Variants in ODAM observed in about 807,000 individuals in gnomAD.
ODAM encodes odontogenic, ameloblast associated.
A neutral mutation model predicts 48.5 loss-of-function variants in ODAM; 55 were observed. The ratio of observed to expected loss-of-function variants is 1.13; its 90% confidence interval spans 0.91 to 1.42. ODAM has a LOEUF of 1.42. ODAM is among the 40% of genes most tolerant of loss of function. The pLI, the probability that ODAM is intolerant of heterozygous loss-of-function variation, is 0.00. For missense variants in ODAM, 353 were observed against 323.6 expected, an observed-to-expected ratio of 1.09 and a Z score of -0.70; for synonymous variants, 127 against 107.8, an observed-to-expected ratio of 1.18 and a Z score of -1.10.
intron 11 of ODAM, among the ~76,000 whole-genome samples, chr4:70,203,972 A>G (rs1462969746): frequency 6.6e-6 from 1 of 151,998 alleles, no homozygotes; most frequent in African/African-American, 2.4e-5. Context: ...TTACTAATGT[A>G]CTATATTGTA....
rs1414445734 is a variant in ODAM at position 70,204,319 on chromosome 4, A to G, written c.*174A>G. On this transcript the variant is annotated 3_prime_UTR_variant, in exon 12 of 12. Coordinates refer to ENST00000683306, the MANE Select transcript of ODAM (RefSeq NM_017855.4). Reference sequence around the variant, plus strand: ...ATACATGTTATTAAACTCTTTAAATATGTCATAGAAAATAATACAATCATG... The same window carrying G: ...ATACATGTTATTAAACTCTTTAAATGTGTCATAGAAAATAATACAATCATG... 2.0e-5 allele frequency: 3 copies of G among 152,046 alleles called. No individual in the cohort carries two copies. Among genetic ancestry groups the G allele is most frequent in the African/African-American group, 7.2e-5 (3 of 41,426 alleles). 9.4% of individuals were successfully genotyped at this position (152,046 alleles called of 1,614,324 possible).
Position 70,200,557 on chromosome 4 carries a change from C to T in ODAM, c.484C>T (p.Pro162Ser). 6.2e-7 allele frequency: 1 copy of T among 1,611,434 alleles called. No individual in the cohort carries two copies. The highest frequency in any genetic ancestry group is 8.5e-7 in the Non-Finnish European group (1 of 1,178,330). ...CTGGGAACAACCTCAGCAAACAGTT[C>T]CAAGGTCACCTCAACAAACAAGACA... ...LPWEQPQQTV[P>S]RSPQQTRQQQ... The change falls in exon 7 of 12, where the codon CCA becomes TCA. Residue 162 changes from proline (P) to serine (S), a missense_variant. Coordinates refer to ENST00000683306, the MANE Select transcript of ODAM (RefSeq NM_017855.4).
At chr4:70,203,927 G>C (rs1199116204) in intron 11 of ODAM, among the ~76,000 whole-genome samples, 2 of 151,838 alleles carry the variant, frequency 1.3e-5, no homozygotes, top group Admixed American at 6.6e-5. Flanking sequence ...ACACAACCAA[G>C]TGAACAGTAA....
chr4:70,202,636 C>A, intron 9 of ODAM, 120 bp from the exon 10 acceptor site: 1 of 690,132 alleles, frequency 1.4e-6, no homozygotes, highest in Non-Finnish European at 2.4e-6. Context: ...CTAATAATAG[C>A]AACTCTTTTT....
chr4:70,198,211 C>A, intron 5 of ODAM, 54 bp downstream of exon 5: 1 of 1,418,106 alleles, frequency 7.1e-7, no homozygotes, highest in Non-Finnish European at 9.8e-7. Context: ...CATGTTTAAT[C>A]TGACAATGAA....
intron 7 of ODAM, 106 bp from the exon 8 acceptor site, chr4:70,201,347 CT>C: frequency 1.7e-6 from 1 of 573,648 alleles, no homozygotes; most frequent in Non-Finnish European, 3.1e-6. Flanking sequence ...TTTAAAAATG[CT>C]TTTAACTTAT....
At position 70,200,520 on chromosome 4, in the gene ODAM, C is replaced by A; in HGVS notation, c.447C>A (p.Tyr149Ter). The A allele has an allele frequency of 6.2e-7, 1 of 1,608,262 alleles. No individual in the cohort carries two copies. The highest frequency in any genetic ancestry group is 8.5e-7 in the Non-Finnish European group (1 of 1,175,862). The part of the protein sequence containing the change: ...QGQMFQYYPV[Y>*]MVLPWEQPQQ... ...AGATGTTTCAATACTATCCAGTTTACATGGTCCTACCCTGGGAACAACCTC... is the reference window on the plus strand; with the variant it reads ...AGATGTTTCAATACTATCCAGTTTAAATGGTCCTACCCTGGGAACAACCTC... Residue 149 changes from tyrosine to a stop codon, truncating the protein, a stop_gained, in exon 7 of 12, where the codon TAC becomes TAA. Coordinates refer to ENST00000683306, the MANE Select transcript of ODAM (RefSeq NM_017855.4). LOFTEE classifies it high-confidence loss of function.
chr4:70,199,142 A>AT (rs1184922954), intron 6 of ODAM, among the ~76,000 whole-genome samples: 2 of 151,992 alleles, frequency 1.3e-5, no homozygotes, highest in East Asian at 3.9e-4. Context: ...TCAAATGGTA[A>AT]TTTTTTCCAT....
At chr4:70,196,388 T>A in intron 1 of ODAM, 141 bp from the exon 2 acceptor site, 1 of 526,656 alleles carries the variant, frequency 1.9e-6, no homozygotes, top group Non-Finnish European at 3.4e-6. Flanking sequence ...CAAACATAAC[T>A]TTTTAAATTT....
chr4:70,203,350 TA>T, intron 11 of ODAM, 136 bp downstream of exon 11: 1 of 499,502 alleles, frequency 2.0e-6, no homozygotes, highest in East Asian at 3.1e-5. Context: ...TATATACCTA[TA>T]AAATTAATAA....
Position 70,202,745 on chromosome 4 carries a change from A to T in ODAM, c.649-11A>T. 6.3e-7 allele frequency: 1 copy of T among 1,594,018 alleles called. No individual in the cohort carries two copies. The highest frequency in any genetic ancestry group is 8.5e-7 in the Non-Finnish European group (1 of 1,170,682). The stretch of plus-strand genomic sequence containing the variant: ...TTACGACAACTTTGTTTTCATTCTC[A>T]TTCTCTGTAGTCAACAGGAGAAGAG... On this transcript the variant is annotated splice_polypyrimidine_tract_variant and intron_variant, in intron 9 of 11. Transcript: ENST00000683306.
chr4:70,199,405 T>C (rs1729449415), intron 6 of ODAM, among the ~76,000 whole-genome samples: 1 of 152,056 alleles, frequency 6.6e-6, no homozygotes, highest in Non-Finnish European at 1.5e-5. Flanking sequence ...AAGTTACTTC[T>C]AGACATTATC....
At chr4:70,198,291 G>T in intron 5 of ODAM, 134 bp downstream of exon 5, 1 of 742,808 alleles carries the variant, frequency 1.3e-6, no homozygotes, top group East Asian at 2.8e-5. Context: ...TTCTACCATC[G>T]CTGTAAGTTC....
Position 70,198,103 on chromosome 4 carries a change from A to T in ODAM, c.321A>T (p.Gln107His). 6.2e-7 allele frequency: 1 copy of T among 1,613,272 alleles called. No individual in the cohort carries two copies. The highest frequency in any genetic ancestry group is 1.7e-4 in the Middle Eastern group (1 of 6,048). Residue 107 changes from glutamine (Q) to histidine (H), a missense_variant, in exon 5 of 12, where the codon CAA becomes CAT. By Grantham distance (24) the Gln-to-His change is conservative. Coordinates refer to ENST00000683306, the MANE Select transcript of ODAM (RefSeq NM_017855.4). ...ASFAQGAQAGQVDPLQLQTPP... is the reference protein window; with the variant it reads ...ASFAQGAQAGHVDPLQLQTPP... ...TTGCCCAAGGAGCCCAGGCAGGCCAAGTTGATCCCTTACAGCTTCAAACAC... is the reference window on the plus strand; with the variant it reads ...TTGCCCAAGGAGCCCAGGCAGGCCATGTTGATCCCTTACAGCTTCAAACAC...
At chr4:70,202,985 G>A (rs932256103) in intron 10 of ODAM, 68 bp downstream of exon 10, 3 of 1,454,884 alleles carry the variant, frequency 2.1e-6, no homozygotes, top group African/African-American at 2.9e-5. Flanking sequence ...GATAAAATTA[G>A]TGCTTTAATT....
chr4:70,196,187 C>CATG (rs1729353633), intron 1 of ODAM, among the ~76,000 whole-genome samples: 1 of 151,928 alleles, frequency 6.6e-6, no homozygotes, highest in South Asian at 2.1e-4. Context: ...CATGACCTCC[C>CATG]ATGGTCTGAT....
In ODAM at chr4:70,203,142, C is replaced by T; in HGVS notation, c.811-14C>T. The T allele has an allele frequency of 6.3e-7, 1 of 1,579,494 alleles. No individual in the cohort carries two copies. The highest frequency in any genetic ancestry group is 8.7e-7 in the Non-Finnish European group (1 of 1,150,808). Reference sequence around the variant, plus strand: ...TTTAATAACAGTTTCTTATGAATGTCCTTTTCTCACTAGGACAAGACTGAC... The same window carrying T: ...TTTAATAACAGTTTCTTATGAATGTTCTTTTCTCACTAGGACAAGACTGAC... On this transcript the variant is annotated splice_polypyrimidine_tract_variant and intron_variant, in intron 10 of 11. Coordinates refer to ENST00000683306, the MANE Select transcript of ODAM (RefSeq NM_017855.4).
intron 4 of ODAM, 58 bp downstream of exon 4, chr4:70,197,379 T>C: frequency 1.1e-6 from 1 of 942,520 alleles, no homozygotes; most frequent in Non-Finnish European, 1.7e-6. Context: ...TCATTTATGT[T>C]ATTTTGTAAG....
At position 70,196,582 on chromosome 4, in the gene ODAM, A is replaced by G. The variant is rs761232813; in HGVS notation, c.39A>G (p.Thr13=). 6.3e-7 allele frequency: 1 copy of G among 1,598,280 alleles called. No individual in the cohort carries two copies. The highest frequency in any genetic ancestry group is 8.6e-7 in the Non-Finnish European group (1 of 1,168,412). Residue 13 remains threonine, a synonymous_variant, in exon 2 of 12, where the codon ACA becomes ACG. Transcript: ENST00000683306. ...TTCTTCTTGGATTCCTGGGAGCCAC[A>G]TTGTCAGCCCCAGTAAGTGATTTTA... The part of the protein sequence containing the change: ...IIILLGFLGA[T]LSAPLIPQRL...
Sources: allele counts gnomAD v4.1 joint callset (sites outside exome capture counted in the v4.1 genomes callset), GRCh38; gene constraint gnomAD v4.1.1; transcripts MANE v1.5; gene names NCBI Gene and HGNC (gene_info 2026-07-23, HGNC 2026-07-21).